The following NINL variants were observed in gnomAD, a reference collection of about 807,000 sequenced individuals.
NINL encodes the protein ninein like, also known as ninein-like protein.
A neutral mutation model predicts 160.3 loss-of-function variants in NINL; 153 were observed. The ratio of observed to expected loss-of-function variants is 0.95; its 90% CI spans 0.84 to 1.09. The LOEUF is 1.09. NINL is among the 50% of genes least tolerant of loss of function. NINL has a pLI of 0.00. For synonymous variants in NINL, 800 were observed against 734.8 expected (o/e 1.09, Z -1.43); for missense variants, 1,829 against 1,764.0 (o/e 1.04, Z -0.66).
intron 1 of NINL, among the ~76,000 whole-genome samples, chr20:25,584,829 T>C (rs2065209941): frequency 6.6e-6 from 1 of 152,182 alleles, no homozygotes. Context: ...CCCAACGCGA[T>C]CAGAGACTCC....
At chr20:25,470,138 C>A in intron 17 of NINL, 43 bp from the exon 18 acceptor site, 1 of 1,501,730 alleles carries the variant, frequency 6.7e-7, no homozygotes, top group South Asian at 1.1e-5. Flanking sequence ...CTTGGGGAGC[C>A]ACATGTGGTC....
intron 1 of NINL, among the ~76,000 whole-genome samples, chr20:25,564,803 A>AT (rs1353253553): frequency 4.0e-5 from 2 of 50,284 alleles, no homozygotes; most frequent in South Asian, 1.4e-3. Context: ...CCTCCCCACA[A>AT]TTAAAAAAAA....
intron 5 of NINL, chr20:25,509,750 A>G (rs1003641947): frequency 8.8e-6 from 4 of 456,508 alleles, no homozygotes; most frequent in African/African-American, 8.0e-5. Context: ...CTGTTTTCAC[A>G]TTGTTTGCAT....
chr20:25,487,623 A>T (rs77142406), intron 13 of NINL, among the ~76,000 whole-genome samples: 2 of 152,336 alleles, frequency 1.3e-5, no homozygotes, highest in African/African-American at 4.8e-5. Flanking sequence ...TTTCTGTACA[A>T]GTTTTACATA....
At chr20:25,539,697 T>C (rs1184460203) in intron 1 of NINL, among the ~76,000 whole-genome samples, 1 of 151,974 alleles carries the variant, frequency 6.6e-6, no homozygotes, top group South Asian at 2.1e-4. Flanking sequence ...CCAATGCAAA[T>C]GACAGAACAC....
At chr20:25,555,922 G>A (rs1451112702) in intron 1 of NINL, among the ~76,000 whole-genome samples, 3 of 151,844 alleles carry the variant, frequency 2.0e-5, no homozygotes, top group East Asian at 3.9e-4. Flanking sequence ...TGATACGCCC[G>A]CCTCGGCCTC....
At chr20:25,484,970 C>T (rs545061271) in intron 13 of NINL, among the ~76,000 whole-genome samples, 1 of 152,326 alleles carries the variant, frequency 6.6e-6, no homozygotes, top group Admixed American at 6.5e-5. Context: ...GGCACAACAT[C>T]ACCCATGTGC....
At chr20:25,546,538 G>GA (rs2064734727) in intron 1 of NINL, among the ~76,000 whole-genome samples, 1 of 152,048 alleles carries the variant, frequency 6.6e-6, no homozygotes, top group Non-Finnish European at 1.5e-5. Flanking sequence ...TTCTAAATAG[G>GA]AAAGAATAAA....
At chr20:25,507,343 G>C (rs548931927) in intron 5 of NINL, among the ~76,000 whole-genome samples, 1 of 152,056 alleles carries the variant, frequency 6.6e-6, no homozygotes, top group Non-Finnish European at 1.5e-5. Context: ...CTCAGGTGGT[G>C]GATGGCCACT....
At chr20:25,512,515 C>A (rs1396764022) in intron 4 of NINL, among the ~76,000 whole-genome samples, 1 of 152,196 alleles carries the variant, frequency 6.6e-6, no homozygotes, top group African/African-American at 2.4e-5. Context: ...GTAAGACATG[C>A]CTGCTTCCCC....
intron 1 of NINL, among the ~76,000 whole-genome samples, chr20:25,534,181 A>G (rs1477961985): frequency 1.3e-5 from 2 of 152,146 alleles, no homozygotes; most frequent in Non-Finnish European, 2.9e-5. Context: ...AGCCCTCTTC[A>G]GCATGCAGCA....
intron 1 of NINL, among the ~76,000 whole-genome samples, chr20:25,574,595 T>C (rs2065093826): frequency 6.6e-6 from 1 of 152,166 alleles, no homozygotes; most frequent in Non-Finnish European, 1.5e-5. Context: ...TCTCCCCTCC[T>C]AGACAGGTCC....
At chr20:25,475,553 C>T (rs2063210458) in intron 17 of NINL, among the ~76,000 whole-genome samples, 1 of 152,210 alleles carries the variant, frequency 6.6e-6, no homozygotes, top group Non-Finnish European at 1.5e-5. Context: ...TATACAGCCT[C>T]TTCTGGGAAC....
At position 25,453,100 on chromosome 20, in the gene NINL, G is replaced by C. The variant is rs1461847390; in HGVS notation, c.*351C>G. The C allele has an allele frequency of 1.1e-5, 2 of 182,168 alleles. No homozygotes were observed. Among genetic ancestry groups the C allele is most frequent in the Non-Finnish European group, 2.3e-5 (2 of 88,406 alleles). 11.3% of individuals were successfully genotyped at this position (182,168 alleles called of 1,614,324 possible). A position where few individuals can be genotyped will look rare whatever the true frequency, so the allele number is the denominator to read the frequency against. On this transcript the variant is annotated 3_prime_UTR_variant, in exon 24 of 24. Transcript: ENST00000278886. ...ACTTTACATTTCACTCTGACAGCCA[G>C]GGTCGGAAGCACCACATGGAAAGTG... is the stretch of plus-strand genomic sequence containing the variant.
intron 1 of NINL, among the ~76,000 whole-genome samples, chr20:25,556,985 C>A (rs1215673792): frequency 1.3e-5 from 2 of 152,180 alleles, no homozygotes; most frequent in African/African-American, 4.8e-5. Flanking sequence ...ACAGCTCCCA[C>A]TCCCAGCTGG....
intron 3 of NINL, among the ~76,000 whole-genome samples, chr20:25,514,977 T>TA (rs1236894054): frequency 5.3e-5 from 8 of 152,234 alleles, no homozygotes; most frequent in Non-Finnish European, 1.2e-4. Flanking sequence ...GGAGAACCTC[T>TA]ATTAGGGCTG....
Position 25,476,680 on chromosome 20 carries a change from C to T in NINL, c.2611G>A (p.Glu871Lys), listed in dbSNP as rs1401868136. Residue 871 changes from glutamate to lysine, a missense_variant, in exon 17 of 24, where the codon GAG becomes AAG. Physicochemically the swap from Glu to Lys is moderately conservative, Grantham distance 56. Transcript: ENST00000278886. ...CGGCGAGGCCCGGCTCCTGCCGCCT[C>T]CTCAGACTCTCTGCCATCACCTGGG... ...LAPGDGRESEEAAGAGPRRRQ... is the reference protein window; with the variant it reads ...LAPGDGRESEKAAGAGPRRRQ... 1.9e-6 allele frequency: 3 copies of T among 1,592,238 alleles called. No individual in the cohort carries two copies. The highest frequency in any genetic ancestry group is 2.2e-5 in the East Asian group (1 of 44,578).
Position 25,477,000 on chromosome 20 carries a change from G to A in NINL, c.2291C>T (p.Pro764Leu), listed in dbSNP as rs750242373. 4 of 1,601,914 alleles carry A rather than the reference G, an allele frequency of 2.5e-6. No individual in the cohort carries two copies. Among genetic ancestry groups the A allele is most frequent in the South Asian group, 2.2e-5 (2 of 90,994 alleles). ...CCCGCGTGGCAGGGGTCCCTGCGGC[G>A]GCTCCTCCAGCTCCAAGGTCAGGTC... ...RRDLTLELEE[P>L]PQGPLPRGSQ... Residue 764 changes from proline (P) to leucine (L), a missense_variant, in exon 17 of 24, where the codon CCG becomes CTG. By Grantham distance (98) the Pro-to-Leu change is moderately conservative. Coordinates refer to ENST00000278886, the MANE Select transcript of NINL (RefSeq NM_025176.6).
At chr20:25,552,828 G>C (rs1256282017) in intron 1 of NINL, among the ~76,000 whole-genome samples, 1 of 152,276 alleles carries the variant, frequency 6.6e-6, no homozygotes, top group Non-Finnish European at 1.5e-5. Context: ...ACAGCTTGGA[G>C]GACAAGTTTG....
Sources: allele counts gnomAD v4.1 joint callset (sites outside exome capture counted in the v4.1 genomes callset), GRCh38; gene constraint gnomAD v4.1.1; transcripts MANE v1.5; gene names NCBI Gene and HGNC (gene_info 2026-07-23, HGNC 2026-07-21).